The following MAP3K20 variants were observed in gnomAD, a reference collection of about 807,000 sequenced individuals.
The protein encoded by MAP3K20 is mitogen-activated protein kinase kinase kinase 20.
A neutral mutation model predicts 85.7 loss-of-function variants in MAP3K20; 40 were observed. The ratio of observed to expected loss-of-function variants is 0.47; its 90% confidence interval spans 0.36 to 0.61. The LOEUF (loss-of-function observed/expected upper bound fraction) is 0.61. Among genes scored for constraint, MAP3K20 ranks in the 20% least tolerant of loss-of-function variants. MAP3K20 has a pLI of 0.00. For synonymous variants in MAP3K20, 325 were observed against 327.7 expected, an observed-to-expected ratio of 0.99 and a Z score of 0.09; for missense variants, 817 against 961.7, an observed-to-expected ratio of 0.85 and a Z score of 1.99.
intron 16 of MAP3K20, among the ~76,000 whole-genome samples, chr2:173,245,831 C>G (rs1231371207): frequency 6.6e-6 from 1 of 152,140 alleles, no homozygotes; most frequent in Non-Finnish European, 1.5e-5. Context: ...ACTTGGGAGG[C>G]TGGGGCAGAA....
intron 2 of MAP3K20, among the ~76,000 whole-genome samples, chr2:173,169,593 G>T (rs1201189470): frequency 6.6e-6 from 1 of 151,826 alleles, no homozygotes; most frequent in African/African-American, 2.4e-5. Context: ...AGTGGTGTGT[G>T]CCTGTAGTCC....
chr2:173,179,704 G>GCACACACACA lies in MAP3K20; in HGVS notation c.248-3123_248-3114dup, dbSNP rs71018541. Among the ~76,000 whole-genome samples the GCACACACACA allele has an allele frequency of 7.7e-3, 1,127 of 146,152 alleles. 11 individuals are homozygous for GCACACACACA. Among genetic ancestry groups the GCACACACACA allele is most frequent in the African/African-American group, 0.013 (503 of 39,416 alleles). ...ATAGGTAGAAAATCCTAAGGAATGC[G>GCACACACACA]CACACACACACACACACACACACAC... On this transcript the variant is annotated intron_variant, in intron 3 of 19. Transcript: ENST00000375213.
intron 16 of MAP3K20, among the ~76,000 whole-genome samples, chr2:173,255,532 G>C (rs1240016030): frequency 6.6e-6 from 1 of 152,200 alleles, no homozygotes; most frequent in Non-Finnish European, 1.5e-5. Flanking sequence ...AAACAGCATG[G>C]TGTAAGTGCC....
At chr2:173,127,130 G>T (rs1688467495) in intron 2 of MAP3K20, among the ~76,000 whole-genome samples, 1 of 152,168 alleles carries the variant, frequency 6.6e-6, no homozygotes, top group African/African-American at 2.4e-5. Flanking sequence ...AATTTCCATT[G>T]AAGGAGACCA....
intron 2 of MAP3K20, among the ~76,000 whole-genome samples, chr2:173,158,284 C>T (rs1386093386): frequency 6.6e-6 from 1 of 152,052 alleles, no homozygotes; most frequent in Non-Finnish European, 1.5e-5. Context: ...CAGGGGAAAG[C>T]TTTAATAAAA....
Position 173,148,460 on chromosome 2 carries a change from A to G in MAP3K20, c.160-21345A>G, listed in dbSNP as rs188816326. Among the ~76,000 whole-genome samples, 365 of 152,338 alleles carry G rather than the reference A, an allele frequency of 2.4e-3. 3 individuals carry two copies. Among genetic ancestry groups the G allele is most frequent in the African/African-American group, 8.1e-3 (337 of 41,578 alleles). On this transcript the variant is annotated intron_variant, in intron 2 of 19. Transcript: ENST00000375213. ...AAAGGGACTTGGAATTTATTCCACT[A>G]TCTCCTGATATCCTTAGGATGAGTG...
rs1034556308 is a variant in MAP3K20, at chr2:173,126,246, G to C, written c.159+35056G>C. On this transcript the variant is annotated intron_variant, in intron 2 of 19. Coordinates refer to ENST00000375213, the MANE Select transcript of MAP3K20 (RefSeq NM_016653.3). ...GTATTTTAGAGTTTCATATTATATAGTTGCGGCAGAGAAAAGAATGTCTGA... is the reference window on the plus strand; with the variant it reads ...GTATTTTAGAGTTTCATATTATATACTTGCGGCAGAGAAAAGAATGTCTGA... 2.6e-5 allele frequency among the ~76,000 whole-genome samples: 4 copies of C among 152,180 alleles called. 1 individual carries two copies. In the East Asian group the frequency reaches 7.7e-4, roughly 29 times the overall value.
chr2:173,083,640 ATTTT>A (rs1687068651), intron 1 of MAP3K20, among the ~76,000 whole-genome samples: 1 of 152,154 alleles, frequency 6.6e-6, no homozygotes, highest in African/African-American at 2.4e-5. Context: ...AGCTTTCCTC[ATTTT>A]TTTGAAGATA....
intron 1 of MAP3K20, among the ~76,000 whole-genome samples, chr2:173,089,839 C>G (rs1015988285): frequency 9.2e-5 from 14 of 152,168 alleles, no homozygotes; most frequent in African/African-American, 3.4e-4. Flanking sequence ...TCCCAAAGTA[C>G]TGGGATTACA....
intron 11 of MAP3K20, chr2:173,221,318 A>G (rs749711650): frequency 6.2e-7 from 1 of 1,613,924 alleles, no homozygotes; most frequent in Non-Finnish European, 8.5e-7. Context: ...CTTTGGGGAT[A>G]TCTTCTCAAT....
rs772127467 is a variant in MAP3K20 at position 173,182,932 on chromosome 2, C to T, written c.326C>T (p.Thr109Ile). ...SEEMDMDHIM[T>I]WATDVAKGMH... ...GAGATGGATATGGATCACATTATGA[C>T]CTGGGCCACTGATGTAGCCAAAGGT... The change falls in exon 4 of 20, where the codon ACC becomes ATC. Residue 109 changes from threonine (T) to isoleucine (I), a missense_variant. Thr to Ile is a moderately conservative substitution (Grantham distance 89). Coordinates refer to ENST00000375213, the MANE Select transcript of MAP3K20 (RefSeq NM_016653.3). 5 of 1,609,892 alleles carry T rather than the reference C, an allele frequency of 3.1e-6. No homozygotes were observed. In the Admixed American group the frequency reaches 6.7e-5, roughly 22 times the overall value.
At chr2:173,222,393 CCT>C (rs1684276784) in intron 11 of MAP3K20, 1 of 985,664 alleles carries the variant, frequency 1.0e-6, no homozygotes, top group Non-Finnish European at 1.2e-6. Context: ...GGAAAAATAC[CCT>C]GATTTGAAAC....
At chr2:173,100,058 T>C (rs1192907743) in intron 2 of MAP3K20, among the ~76,000 whole-genome samples, 2 of 152,246 alleles carry the variant, frequency 1.3e-5, no homozygotes, top group African/African-American at 4.8e-5. Context: ...GGCCTCATGC[T>C]GAGAAGGGAT....
At chr2:173,134,393 CATATATATATATATATATATATATAT>C (rs1162728873) in intron 2 of MAP3K20, among the ~76,000 whole-genome samples, 1 of 12,340 alleles carries the variant, frequency 8.1e-5, no homozygotes, top group Non-Finnish European at 1.4e-4. Context: ...TGTCTCTATA[CATATATATATATATATATATATATAT>C]ATATATATAT....
chr2:173,177,833 A>T (rs866606046), intron 3 of MAP3K20, among the ~76,000 whole-genome samples: 10 of 151,838 alleles, frequency 6.6e-5, no homozygotes, highest in African/African-American at 2.4e-4. Context: ...ATAAGGCAGT[A>T]TTTAGAAGGA....
chr2:173,191,017 G>A, intron 6 of MAP3K20, 23 bp from the exon 7 acceptor site: 1 of 1,612,790 alleles, frequency 6.2e-7, no homozygotes, highest in Non-Finnish European at 8.5e-7. Flanking sequence ...GTAGAAAGTT[G>A]ACACTGATTC....
At chr2:173,090,724 A>T (rs1208728516) in intron 1 of MAP3K20, 1 of 1,041,992 alleles carries the variant, frequency 9.6e-7, no homozygotes. Flanking sequence ...ATGAGTAGGA[A>T]GTGCTGCTGC....
chr2:173,170,110 C>T (rs532690498), intron 3 of MAP3K20, among the ~76,000 whole-genome samples: 1 of 152,226 alleles, frequency 6.6e-6, no homozygotes, highest in South Asian at 2.1e-4. Flanking sequence ...ATTATATCTG[C>T]GTAAATGCTA....
At chr2:173,104,738 G>A (rs1184374448) in intron 2 of MAP3K20, among the ~76,000 whole-genome samples, 1 of 152,066 alleles carries the variant, frequency 6.6e-6, no homozygotes, top group East Asian at 1.9e-4. Context: ...TTAATATAAG[G>A]GGAAAATAGG....
Sources: gnomAD v4.1 joint callset for allele counts (sites outside exome capture counted in the v4.1 genomes callset) on GRCh38, gnomAD v4.1.1 for gene constraint, MANE v1.5 for transcripts, NCBI Gene and HGNC (gene_info 2026-07-23, HGNC 2026-07-21) for gene names.